Variants in RAPGEF2 observed in about 807,000 individuals in gnomAD.
RAPGEF2 encodes Rap guanine nucleotide exchange factor 2.
In RAPGEF2, 54 loss-of-function variants were observed where a neutral mutation model predicts 186.7. That is an observed-to-expected ratio of 0.29 (90% CI 0.23 to 0.36). The LOEUF is 0.36. Among genes scored for constraint, RAPGEF2 ranks in the 10% least tolerant of loss-of-function variants. The pLI is 1.00. For missense variants in RAPGEF2, 1,532 were observed against 2,045.0 expected, an observed-to-expected ratio of 0.75 and a Z score of 4.84; for synonymous variants, 712 against 705.9, an observed-to-expected ratio of 1.01 and a Z score of -0.14.
chr4:159,211,326 G>A (rs1010014093), intron 4 of RAPGEF2, among the ~76,000 whole-genome samples: 6 of 152,156 alleles, frequency 3.9e-5, no homozygotes, highest in Admixed American at 3.3e-4. Context: ...TTCCCCAAGG[G>A]TGTCAGCTAC....
chr4:159,118,785 A>G (rs1187387313), intron 1 of RAPGEF2, among the ~76,000 whole-genome samples: 1 of 152,046 alleles, frequency 6.6e-6, no homozygotes, highest in African/African-American at 2.4e-5. Flanking sequence ...GGGTTTCACC[A>G]TGTTGACCAG....
Position 159,355,878 on chromosome 4 carries a change from G to GCCGCCGC in RAPGEF2, c.4679_4680insGCCGCCC (p.Thr1563ProfsTer14). On this transcript the variant is annotated frameshift_variant, in exon 29 of 30. Transcript: ENST00000691494. LOFTEE classifies it high-confidence loss of function. ...CACGAAAGGAGGGCAGGTATCGAGA[G>GCCGCCGC]CCCCCGCCCACCCCTCCCGGCTACA... is the stretch of plus-strand genomic sequence containing the variant. 1 of 1,515,860 alleles carries GCCGCCGC rather than the reference G, an allele frequency of 6.6e-7. No individual in the cohort carries two copies. The highest frequency in any genetic ancestry group is 8.9e-7 in the Non-Finnish European group (1 of 1,117,994). 93.9% of individuals were successfully genotyped at this position (1,515,860 alleles called of 1,614,324 possible).
chr4:159,195,891 T>G lies in RAPGEF2; in HGVS notation c.197+2635T>G, dbSNP rs1292657992. ...AACATACCTGTTTTTTTTTTTTTTTTTTTTTTTTTTTTTCCCCAAGTAGGC... is the reference window on the plus strand; with the variant it reads ...AACATACCTGTTTTTTTTTTTTTTTGTTTTTTTTTTTTTCCCCAAGTAGGC... On this transcript the variant is annotated intron_variant, in intron 3 of 29. Coordinates refer to ENST00000691494, the MANE Select transcript of RAPGEF2 (RefSeq NM_001394067.2). 9.5e-5 allele frequency among the ~76,000 whole-genome samples: 14 copies of G among 147,724 alleles called. No individual in the cohort carries two copies. The East Asian group carries it at 9.8e-4, about 10-fold the overall frequency.
At chr4:159,249,789 C>A (rs1191039445) in intron 7 of RAPGEF2, among the ~76,000 whole-genome samples, 1 of 151,910 alleles carries the variant, frequency 6.6e-6, no homozygotes, top group Non-Finnish European at 1.5e-5. Context: ...CCATACAATT[C>A]ACCTATTTAA....
intron 1 of RAPGEF2, among the ~76,000 whole-genome samples, chr4:159,178,716 C>A (rs754491494): frequency 2.0e-5 from 3 of 152,006 alleles, no homozygotes; most frequent in Non-Finnish European, 2.9e-5. Flanking sequence ...CACTACCACG[C>A]CCGGCTAGTT....
At chr4:159,192,635 T>C (rs1043153392) in intron 2 of RAPGEF2, among the ~76,000 whole-genome samples, 2 of 152,246 alleles carry the variant, frequency 1.3e-5, no homozygotes, top group South Asian at 4.1e-4. Context: ...TTTTATAATT[T>C]CGTAATTTTT....
intron 1 of RAPGEF2, among the ~76,000 whole-genome samples, chr4:159,175,897 C>G (rs564407057): frequency 6.6e-6 from 1 of 152,330 alleles, no homozygotes; most frequent in South Asian, 2.1e-4. Context: ...GCACCCAGCA[C>G]ATCCACCGTT....
At chr4:159,346,733 A>T (rs1431298171) in intron 24 of RAPGEF2, 56 bp from the exon 25 acceptor site, 2 of 1,411,206 alleles carry the variant, frequency 1.4e-6, no homozygotes, top group Admixed American at 3.5e-5. Context: ...TATCTTCTAC[A>T]TACCTACTAG....
chr4:159,250,885 C>T (rs1271765953), intron 7 of RAPGEF2, among the ~76,000 whole-genome samples: 1 of 152,128 alleles, frequency 6.6e-6, no homozygotes, highest in African/African-American at 2.4e-5. Flanking sequence ...CTGGGCGTGG[C>T]CGGAGCCGGC....
At chr4:159,226,167 G>GGT (rs1420287821) in intron 4 of RAPGEF2, among the ~76,000 whole-genome samples, 3 of 152,086 alleles carry the variant, frequency 2.0e-5, no homozygotes, top group African/African-American at 7.2e-5. Flanking sequence ...TGTGGTATGA[G>GGT]GTAAAGGGTT....
chr4:159,295,526 A>G lies in RAPGEF2; in HGVS notation c.544-8816A>G, dbSNP rs1019796151. Among the ~76,000 whole-genome samples the G allele has an allele frequency of 2.6e-5, 4 of 152,162 alleles. No homozygotes were observed. In the South Asian group the frequency reaches 6.2e-4, roughly 24 times the overall value. On this transcript the variant is annotated intron_variant, in intron 7 of 29. Transcript: ENST00000691494. ...CATTTGGCCATATATACATTAATCA[A>G]CTACCTCCGTGTTTCTATGGAAACT...
intron 1 of RAPGEF2, among the ~76,000 whole-genome samples, chr4:159,168,505 C>A (rs1745569222): frequency 6.6e-6 from 1 of 151,746 alleles, no homozygotes; most frequent in Non-Finnish European, 1.5e-5. Context: ...AGCCAGGCCC[C>A]ACACATGGTT....
At chr4:159,185,153 AAG>A (rs1182745536) in intron 1 of RAPGEF2, among the ~76,000 whole-genome samples, 3 of 152,214 alleles carry the variant, frequency 2.0e-5, no homozygotes, top group Non-Finnish European at 2.9e-5. Flanking sequence ...TTAAAATAAA[AAG>A]AGAGACAGTA....
At chr4:159,140,077 T>G (rs952605958) in intron 1 of RAPGEF2, among the ~76,000 whole-genome samples, 2 of 152,222 alleles carry the variant, frequency 1.3e-5, no homozygotes, top group East Asian at 3.8e-4. Context: ...TGATAAATTG[T>G]CTTGACCAAG....
chr4:159,286,030 A>AACCACCACCACCACCACCACC (rs35426817), intron 7 of RAPGEF2, among the ~76,000 whole-genome samples: 5 of 89,302 alleles, frequency 5.6e-5, no homozygotes, highest in African/African-American at 1.1e-4. Context: ...TGTTCCCCCC[A>AACCACCACCACCACCACCACC]ACCACCACCA....
chr4:159,354,172 C>A, intron 28 of RAPGEF2, 126 bp downstream of exon 28: 3 of 1,048,834 alleles, frequency 2.9e-6, no homozygotes, highest in Non-Finnish European at 4.0e-6. Flanking sequence ...GTAGGACTTC[C>A]AAATTAGTGG....
Position 159,118,262 on chromosome 4 carries a change from A to G in RAPGEF2, c.69+14031A>G, listed in dbSNP as rs141438968. On this transcript the variant is annotated intron_variant, in intron 1 of 29. Transcript: ENST00000691494. ...AGATTCTCATAGGAGCACAAACCCT[A>G]TTGTGAACTGCATATGCAAGGGATC... 2.2e-4 allele frequency among the ~76,000 whole-genome samples: 33 copies of G among 152,260 alleles called. No individual in the cohort carries two copies. The East Asian group carries it at 4.8e-3, about 22-fold the overall frequency.
intron 20 of RAPGEF2, 116 bp downstream of exon 20, chr4:159,342,063 G>T: frequency 1.9e-6 from 2 of 1,038,262 alleles, no homozygotes; most frequent in Non-Finnish European, 2.7e-6. Context: ...TGACTCATAA[G>T]AGACAATTCT....
At position 159,208,871 on chromosome 4, in the gene RAPGEF2, A is replaced by T. The variant is rs201532468; in HGVS notation, c.198-1629A>T. On this transcript the variant is annotated intron_variant, in intron 3 of 29. Transcript: ENST00000691494. Reference sequence around the variant, plus strand: ...AATTTTTATAAAGTACCCCTAGGAAAAAAAAAGAAATCTCACAATTTTTTT... The same window carrying T: ...AATTTTTATAAAGTACCCCTAGGAATAAAAAAGAAATCTCACAATTTTTTT... Among the ~76,000 whole-genome samples, 7 of 151,800 alleles carry T rather than the reference A, an allele frequency of 4.6e-5. No individual in the cohort carries two copies. In the East Asian group the frequency reaches 1.4e-3, roughly 29 times the overall value.
Sources: gnomAD v4.1 joint callset for allele counts (sites outside exome capture counted in the v4.1 genomes callset) on GRCh38, gnomAD v4.1.1 for gene constraint, MANE v1.5 for transcripts, NCBI Gene and HGNC (gene_info 2026-07-23, HGNC 2026-07-21) for gene names.